HTATIP2: variants seen among roughly 807,000 people sequenced by gnomAD.
HTATIP2 encodes protein HTATIP2.
A neutral mutation model predicts 24.7 loss-of-function variants in HTATIP2; 26 were observed. The ratio of observed to expected loss-of-function variants is 1.05; its 90% confidence interval spans 0.77 to 1.46. HTATIP2 has a LOEUF of 1.46. Ranked by LOEUF, HTATIP2 falls within the 40% of genes most tolerant of loss-of-function variation. The pLI, the probability that HTATIP2 is intolerant of heterozygous loss-of-function variation, is 0.00. For missense variants in HTATIP2, 284 were observed against 289.6 expected, an observed-to-expected ratio of 0.98 and a Z score of 0.14; for synonymous variants, 99 against 113.2, an observed-to-expected ratio of 0.87 and a Z score of 0.79.
At position 20,363,788 on chromosome 11, in the gene HTATIP2, G is replaced by T. The variant is rs2133259299; in HGVS notation, c.-450G>T. 4.0e-6 allele frequency: 5 copies of T among 1,242,268 alleles called. No individual in the cohort carries two copies. In the South Asian group the frequency reaches 2.0e-4, roughly 51 times the overall value. 77.0% of individuals were successfully genotyped at this position (1,242,268 alleles called of 1,614,324 possible). On this transcript the variant is annotated 5_prime_UTR_variant, in exon 1 of 5. Coordinates refer to ENST00000451739, the MANE Select transcript of HTATIP2 (RefSeq NM_001098522.2). ...CCGTCGCCTCCAACCCCCCCGGTCC[G>T]ACCAGGGAAGGTGGGATGCTCTGAT...
Position 20,382,970 on chromosome 11 carries a change from TTTA to T in HTATIP2, c.504-7_504-5del. 2 of 1,570,636 alleles carry T rather than the reference TTTA, an allele frequency of 1.3e-6. No individual in the cohort carries two copies. Among genetic ancestry groups the T allele is most frequent in the African/African-American group, 1.4e-5 (1 of 72,078 alleles). On this transcript the variant is annotated splice_region_variant and splice_polypyrimidine_tract_variant and intron_variant, in intron 4 of 4. Transcript: ENST00000451739. ...TGCTTTTCTTTCTTTTTTTTTTTTT[TTTA>T]TTTTAGAGTTCTGTTATGTGATAGG...
intron 3 of HTATIP2, among the ~76,000 whole-genome samples, chr11:20,380,599 G>T (rs887059473): frequency 1.3e-5 from 2 of 151,114 alleles, no homozygotes; most frequent in African/African-American, 4.9e-5. Flanking sequence ...ATGAACCCGG[G>T]AGGCGGAGCT....
chr11:20,376,508 C>T, intron 2 of HTATIP2, 72 bp from the exon 3 acceptor site: 1 of 1,561,390 alleles, frequency 6.4e-7, no homozygotes, highest in South Asian at 1.1e-5. Context: ...AGCCTGCTAC[C>T]CAAGCCAAGT....
At chr11:20,367,308 T>G (rs1454813978) in intron 2 of HTATIP2, 27 bp downstream of exon 2, 4 of 1,613,494 alleles carry the variant, frequency 2.5e-6, no homozygotes, top group Non-Finnish European at 3.4e-6. Context: ...CTCTTTTCCC[T>G]TTTTGCTGGC....
At chr11:20,374,288 T>C (rs1454753251) in intron 2 of HTATIP2, among the ~76,000 whole-genome samples, 1 of 152,256 alleles carries the variant, frequency 6.6e-6, no homozygotes, top group African/African-American at 2.4e-5. Flanking sequence ...CATGGGCGTA[T>C]TGTTTTAAAA....
intron 2 of HTATIP2, among the ~76,000 whole-genome samples, chr11:20,371,815 C>A (rs2064775610): frequency 6.6e-6 from 1 of 152,044 alleles, no homozygotes; most frequent in South Asian, 2.1e-4. Context: ...ATAGATTGAC[C>A]CAGGAATCCT....
intron 2 of HTATIP2, among the ~76,000 whole-genome samples, chr11:20,370,248 C>T (rs1162086617): frequency 2.6e-5 from 4 of 152,246 alleles, no homozygotes; most frequent in South Asian, 4.1e-4. Context: ...AACTTGTTTG[C>T]TAGTGAAGAT....
At chr11:20,382,875 A>AG in intron 4 of HTATIP2, 105 bp from the exon 5 acceptor site, 1 of 754,620 alleles carries the variant, frequency 1.3e-6, no homozygotes, top group South Asian at 1.9e-5. Context: ...TCAACATTAG[A>AG]ATATTGAGGG....
rs2064658596 is a variant in HTATIP2, at chr11:20,363,747, C to G, written c.-491C>G. 2 of 1,234,888 alleles carry G rather than the reference C, an allele frequency of 1.6e-6. No individual in the cohort carries two copies. Among genetic ancestry groups the G allele is most frequent in the African/African-American group, 1.6e-5 (1 of 64,280 alleles). 76.5% of individuals were successfully genotyped at this position (1,234,888 alleles called of 1,614,324 possible). On this transcript the variant is annotated 5_prime_UTR_variant, in exon 1 of 5. Coordinates refer to ENST00000451739, the MANE Select transcript of HTATIP2 (RefSeq NM_001098522.2). ...CGCGAGGCCACCCGGAAGACCAAGC[C>G]GGGTAGGCGCTGTCTCCGTCGCCTC... is the stretch of plus-strand genomic sequence containing the variant.
chr11:20,382,336 A>G, intron 4 of HTATIP2, 97 bp downstream of exon 4: 1 of 706,372 alleles, frequency 1.4e-6, no homozygotes, highest in South Asian at 1.8e-5. Flanking sequence ...TGAAATATCT[A>G]AGATATGAAA....
chr11:20,382,705 C>A (rs1382812969), intron 4 of HTATIP2, among the ~76,000 whole-genome samples: 1 of 152,092 alleles, frequency 6.6e-6, no homozygotes, highest in Non-Finnish European at 1.5e-5. Flanking sequence ...GGCCTTTCTT[C>A]TTAGTGTATG....
At chr11:20,382,137 T>C (rs1848529478) in intron 3 of HTATIP2, 41 bp from the exon 4 acceptor site, 1 of 1,188,190 alleles carries the variant, frequency 8.4e-7, no homozygotes, top group Non-Finnish European at 1.3e-6. Context: ...ACAGGTGAGC[T>C]GGTCGCGATT....
intron 2 of HTATIP2, among the ~76,000 whole-genome samples, chr11:20,375,486 A>G (rs1042254310): frequency 5.3e-5 from 8 of 152,114 alleles, no homozygotes; most frequent in African/African-American, 1.9e-4. Flanking sequence ...CAGGAGAATC[A>G]CTTGAACTCA....
chr11:20,382,343 G>A, intron 4 of HTATIP2, 104 bp downstream of exon 4: 2 of 690,628 alleles, frequency 2.9e-6, no homozygotes. Context: ...TCTAAGATAT[G>A]AAAGACATTG....
At chr11:20,376,876 A>G (rs971755405) in intron 3 of HTATIP2, among the ~76,000 whole-genome samples, 159 bp downstream of exon 3, 1 of 152,212 alleles carries the variant, frequency 6.6e-6, no homozygotes, top group Non-Finnish European at 1.5e-5. Flanking sequence ...GTAAACAGGA[A>G]TGATTGGAAA....
chr11:20,371,386 C>T (rs1333755579), intron 2 of HTATIP2, among the ~76,000 whole-genome samples: 2 of 152,150 alleles, frequency 1.3e-5, no homozygotes, highest in African/African-American at 4.8e-5. Context: ...AGTGAACCCA[C>T]CTTCCTACTG....
At chr11:20,371,177 G>T (rs879803206) in intron 2 of HTATIP2, among the ~76,000 whole-genome samples, 25 of 146,138 alleles carry the variant, frequency 1.7e-4, no homozygotes, top group Admixed American at 1.0e-3. Flanking sequence ...TCCTTTACAG[G>T]AAAAGTTTGC....
At position 20,376,680 on chromosome 11, in the gene HTATIP2, CT is replaced by C. The variant is rs774253214; in HGVS notation, c.405del (p.Asp136IlefsTer15). ...TTCAACTTGCTATCCTCTAAAGGAG[CT>C]GATAAATCAAGCAATTTTTTATATC... ...KHFNLLSSKG[A>X]DKSSNFLYLQ... On this transcript the variant is annotated frameshift_variant, in exon 3 of 5. Transcript: ENST00000451739. LOFTEE classifies it high-confidence loss of function. The C allele has an allele frequency of 1.2e-6, 2 of 1,610,708 alleles. No homozygotes were observed. Among genetic ancestry groups the C allele is most frequent in the Non-Finnish European group, 8.5e-7 (1 of 1,178,986 alleles).
At chr11:20,380,644 C>T (rs1394342146) in intron 3 of HTATIP2, among the ~76,000 whole-genome samples, 1 of 132,264 alleles carries the variant, frequency 7.6e-6, no homozygotes, top group Non-Finnish European at 1.5e-5. Context: ...TGCACTCCAG[C>T]CTGGGCGACA....
Sources: allele counts gnomAD v4.1 joint callset (sites outside exome capture counted in the v4.1 genomes callset), GRCh38; gene constraint gnomAD v4.1.1; transcripts MANE v1.5; gene names NCBI Gene and HGNC (gene_info 2026-07-23, HGNC 2026-07-21).